ARHGEF10: variants seen among roughly 807,000 people sequenced by gnomAD.
ARHGEF10 encodes the protein Rho guanine nucleotide exchange factor (GEF) 10.
ARHGEF10 carries 140 observed loss-of-function variants against 147.4 expected under a neutral mutation model. The ratio of observed to expected loss-of-function variants is 0.95; its 90% CI spans 0.83 to 1.09. ARHGEF10 has a LOEUF of 1.09. Ranked by LOEUF, ARHGEF10 falls within the 50% of genes least tolerant of loss-of-function variation. The pLI, the probability that ARHGEF10 is intolerant of heterozygous loss-of-function variation, is 0.00. For missense variants in ARHGEF10, 2,222 were observed against 1,752.7 expected, an observed-to-expected ratio of 1.27 and a Z score of -4.78; for synonymous variants, 902 against 695.8, an observed-to-expected ratio of 1.30 and a Z score of -4.67.
intron 7 of ARHGEF10, among the ~76,000 whole-genome samples, chr8:1,872,270 G>C (rs1272218484): frequency 3.3e-5 from 5 of 152,198 alleles, no homozygotes; most frequent in Non-Finnish European, 7.3e-5. Context: ...TGAATGGTTT[G>C]CTTAACTACT....
At chr8:1,887,720 G>A (rs7388085) in intron 11 of ARHGEF10, among the ~76,000 whole-genome samples, 103,016 of 146,156 alleles carry the variant, frequency 0.7, 37,333 homozygotes, top group East Asian at 0.89. Context: ...GGGTTTGTGA[G>A]AAGACGCTAG....
At chr8:1,888,753 A>ACTGAGTT (rs1809049823) in intron 11 of ARHGEF10, among the ~76,000 whole-genome samples, 1 of 13,036 alleles carries the variant, frequency 7.7e-5, no homozygotes, top group Admixed American at 8.4e-4. Flanking sequence ...GACACTGAAT[A>ACTGAGTT]GGGTGAGGTT....
intron 1 of ARHGEF10, among the ~76,000 whole-genome samples, chr8:1,837,512 C>G (rs1803656895): frequency 6.6e-6 from 1 of 152,220 alleles, no homozygotes; most frequent in Non-Finnish European, 1.5e-5. Context: ...GAGATTTACA[C>G]AGTGTGGTTT....
rs1004144794 is a variant in ARHGEF10, at chr8:1,917,897, C to T, written c.2144-5067C>T. Among the ~76,000 whole-genome samples, 7 of 151,886 alleles carry T rather than the reference C, an allele frequency of 4.6e-5. No homozygotes were observed. In the East Asian group the frequency reaches 1.4e-3, roughly 29 times the overall value. On this transcript the variant is annotated intron_variant, in intron 18 of 28. Coordinates refer to ENST00000349830, the MANE Select transcript of ARHGEF10 (RefSeq NM_014629.4). ...TCAGGTGATTCTCCTGCCTCAGCCT[C>T]TCTGAGTAGCTGGAACTACTCAGAG... is the stretch of plus-strand genomic sequence containing the variant.
In ARHGEF10 at chr8:1,905,519, C is replaced by G. The variant is rs1381031353; in HGVS notation, c.1822-52C>G. On this transcript the variant is annotated intron_variant, in intron 16 of 28. Coordinates refer to ENST00000349830, the MANE Select transcript of ARHGEF10 (RefSeq NM_014629.4). ...ATACCAGACTTCTCCTCATCTTTTT[C>G]TTTTCCGGGTAAACTGAACTGTGGT... 1.4e-5 allele frequency: 22 copies of G among 1,613,012 alleles called. No homozygotes were observed. The East Asian group carries it at 4.0e-4, about 29-fold the overall frequency.
intron 4 of ARHGEF10, among the ~76,000 whole-genome samples, chr8:1,861,025 C>G (rs531457909): frequency 6.6e-6 from 1 of 152,300 alleles, no homozygotes; most frequent in South Asian, 2.1e-4. Flanking sequence ...GGCTCAGAGT[C>G]GGCCACTGAG....
At chr8:1,882,439 AG>A (rs1405342092) in intron 9 of ARHGEF10, among the ~76,000 whole-genome samples, 195 bp from the exon 10 acceptor site, 3 of 152,230 alleles carry the variant, frequency 2.0e-5, no homozygotes. Context: ...ATGTCCAGGA[AG>A]GGCTGTATTT....
rs1806405350 is a variant in ARHGEF10 at position 1,864,386 on chromosome 8, C to CA, written c.496dup (p.Thr166AsnfsTer18). ...CTTTCCCAGCAGAAACACCAGAAGT[C>CA]ACAGAAGATCGCCAGCCCAATTCTC... On this transcript the variant is annotated frameshift_variant, in exon 5 of 29. Transcript: ENST00000349830. LOFTEE classifies it high-confidence loss of function. 1 of 1,614,014 alleles carries CA rather than the reference C, an allele frequency of 6.2e-7. No homozygotes were observed.
intron 18 of ARHGEF10, among the ~76,000 whole-genome samples, chr8:1,917,603 C>T (rs1811853873): frequency 6.6e-6 from 1 of 152,166 alleles, no homozygotes; most frequent in Admixed American, 6.5e-5. Flanking sequence ...AGAGAAGCGT[C>T]CGTGAGAAAG....
chr8:1,892,506 A>G (rs1013604468), intron 11 of ARHGEF10, among the ~76,000 whole-genome samples: 24 of 152,046 alleles, frequency 1.6e-4, no homozygotes, highest in Non-Finnish European at 1.9e-4. Context: ...GTTGCCCTGC[A>G]ATCTTTTTAA....
chr8:1,860,377 G>A (rs531345786), intron 4 of ARHGEF10, among the ~76,000 whole-genome samples, 193 bp downstream of exon 4: 2 of 135,738 alleles, frequency 1.5e-5, no homozygotes, highest in Non-Finnish European at 3.1e-5. Flanking sequence ...CGTAGAGTCC[G>A]GGCCTAACCT....
At position 1,857,829 on chromosome 8, in the gene ARHGEF10, G is replaced by A. The variant is rs200037049; in HGVS notation, c.38-131G>A. Reference sequence around the variant, plus strand: ...CTTAAAAAGGTTAACTACAAGCGCAGTACAGCACAGAGGAACTTAGTCAGT... The same window carrying A: ...CTTAAAAAGGTTAACTACAAGCGCAATACAGCACAGAGGAACTTAGTCAGT... On this transcript the variant is annotated intron_variant, in intron 2 of 28. Transcript: ENST00000349830. 2.9e-5 allele frequency: 25 copies of A among 853,144 alleles called. No individual in the cohort carries two copies. In the East Asian group the frequency reaches 4.0e-4, roughly 14 times the overall value. 52.8% of individuals were successfully genotyped at this position (853,144 alleles called of 1,614,324 possible).
chr8:1,896,184 AT>A, intron 13 of ARHGEF10, 148 bp from the exon 14 acceptor site: 3 of 794,790 alleles, frequency 3.8e-6, no homozygotes, highest in Non-Finnish European at 6.7e-6. Flanking sequence ...AAGAAAAAAA[AT>A]CACACAGTCA....
At chr8:1,869,297 C>G in intron 7 of ARHGEF10, 47 bp downstream of exon 7, 1 of 1,540,338 alleles carries the variant, frequency 6.5e-7, no homozygotes, top group Non-Finnish European at 9.0e-7. Context: ...GCTCAGCAGC[C>G]TTTCCCTCTG....
At position 1,850,274 on chromosome 8, in the gene ARHGEF10, G is replaced by A. The variant is rs1450810507; in HGVS notation, c.37+6838G>A. On this transcript the variant is annotated intron_variant, in intron 2 of 28. Coordinates refer to ENST00000349830, the MANE Select transcript of ARHGEF10 (RefSeq NM_014629.4). ...GACACAGACGGCAAATGCTGAGGAG[G>A]GTGTGGGGCGGCCGCGTGGGCATGG... 3.6e-5 allele frequency among the ~76,000 whole-genome samples: 5 copies of A among 137,626 alleles called. 1 individual carries two copies. The highest frequency in any genetic ancestry group is 1.3e-4 in the African/African-American group (5 of 38,544). The allele number at this position is 137,626 out of a possible 152,430, so 90.3% of individuals were successfully genotyped here. A position where few individuals can be genotyped will look rare whatever the true frequency, so the allele number is the denominator to read the frequency against.
In ARHGEF10 at chr8:1,859,925, C is replaced by T. The variant is rs2129074751; in HGVS notation, c.222C>T (p.Thr74=). Residue 74 remains threonine, a synonymous_variant, in exon 4 of 29, where the codon ACC becomes ACT. Coordinates refer to ENST00000349830, the MANE Select transcript of ARHGEF10 (RefSeq NM_014629.4). Reference sequence around the variant, plus strand: ...GTGAGGATGGAGCTGGAGCAGAAACCACCCCAGTGGCAGAGCCTACTAAGC... The same window carrying T: ...GTGAGGATGGAGCTGGAGCAGAAACTACCCCAGTGGCAGAGCCTACTAAGC... ...TGGEDGAGAE[T]TPVAEPTKLV... is the part of the protein sequence containing the mutation. The T allele has an allele frequency of 6.2e-6, 10 of 1,614,162 alleles. No homozygotes were observed. Among genetic ancestry groups the T allele is most frequent in the Non-Finnish European group, 6.8e-6 (8 of 1,180,024 alleles).
intron 1 of ARHGEF10, among the ~76,000 whole-genome samples, chr8:1,843,038 A>T (rs1024990143): frequency 6.6e-6 from 1 of 152,222 alleles, no homozygotes; most frequent in South Asian, 2.1e-4. Flanking sequence ...ACAGTGGGAA[A>T]TTCAGCAAGG....
intron 2 of ARHGEF10, among the ~76,000 whole-genome samples, chr8:1,855,388 T>C (rs78911377): frequency 0.019 from 2,934 of 152,012 alleles, 89 homozygotes; most frequent in East Asian, 0.094. Flanking sequence ...ACAGAAACTT[T>C]TTTTGGGGTG....
intron 27 of ARHGEF10, among the ~76,000 whole-genome samples, chr8:1,946,544 G>A (rs955088377): frequency 1.2e-4 from 18 of 152,152 alleles, no homozygotes; most frequent in African/African-American, 4.1e-4. Flanking sequence ...GGTCTCCTCC[G>A]CTTCCTATAA....
Sources: gnomAD v4.1 joint callset for allele counts (sites outside exome capture counted in the v4.1 genomes callset) on GRCh38, gnomAD v4.1.1 for gene constraint, MANE v1.5 for transcripts, NCBI Gene and HGNC (gene_info 2026-07-23, HGNC 2026-07-21) for gene names.